The following MYO7B variants were observed in gnomAD, a reference collection of about 807,000 sequenced individuals.
MYO7B encodes the protein myosin VIIB, also known as unconventional myosin-VIIb.
Under a neutral mutation model 259.7 loss-of-function variants are expected in MYO7B, and 212 were observed. The ratio of observed to expected loss-of-function variants is 0.82; its 90% CI spans 0.73 to 0.91. The LOEUF (loss-of-function observed/expected upper bound fraction) is 0.91. Ranked by LOEUF, MYO7B falls within the 40% of genes least tolerant of loss-of-function variation. MYO7B has a pLI of 0.00. For synonymous variants in MYO7B, 1,197 were observed against 1,166.4 expected, an observed-to-expected ratio of 1.03 and a Z score of -0.54; for missense variants, 2,732 against 2,813.5, an observed-to-expected ratio of 0.97 and a Z score of 0.66.
At position 127,577,388 on chromosome 2, in the gene MYO7B, C is replaced by T. The variant is rs114984031; in HGVS notation, c.849+680C>T. Among the ~76,000 whole-genome samples the T allele has an allele frequency of 6.9e-3, 1,045 of 152,324 alleles. 19 individuals are homozygous for T. Among genetic ancestry groups the T allele is most frequent in the African/African-American group, 0.024 (1,004 of 41,578 alleles). On this transcript the variant is annotated intron_variant, in intron 8 of 47. Transcript: ENST00000409816. This position sits in a 1 kb window ranked among gnomAD's most constrained non-coding sequence, Gnocchi z 5.2. ...TCTACCCTGCAGCCAAAGCACTCTT[C>T]CTGTAGGAAGGTTTGCACTGTAGTG... is the stretch of plus-strand genomic sequence containing the variant.
intron 3 of MYO7B, 96 bp from the exon 4 acceptor site, chr2:127,565,137 G>T (rs1678275517): frequency 6.8e-7 from 1 of 1,474,814 alleles, no homozygotes; most frequent in Non-Finnish European, 9.2e-7. Flanking sequence ...GACCCGGAAG[G>T]TCACCTTGCT....
At position 127,637,429 on chromosome 2, in the gene MYO7B, G is replaced by C. The variant is rs372470426; in HGVS notation, c.*12G>C. 2.1e-5 allele frequency: 32 copies of C among 1,498,234 alleles called. No homozygotes were observed. Among genetic ancestry groups the C allele is most frequent in the African/African-American group, 7.0e-5 (5 of 71,436 alleles). The allele number at this position is 1,498,234 out of a possible 1,614,324, so 92.8% of individuals were successfully genotyped here. A position where few individuals can be genotyped will look rare whatever the true frequency, so the allele number is the denominator to read the frequency against. ...TGGCCAGCACCTAGCAGCGGATGCTGGCGTGTCTGCTCAGGCGCCCTTCCC... is the reference window on the plus strand; with the variant it reads ...TGGCCAGCACCTAGCAGCGGATGCTCGCGTGTCTGCTCAGGCGCCCTTCCC... On this transcript the variant is annotated 3_prime_UTR_variant, in exon 48 of 48. Transcript: ENST00000409816.
chr2:127,536,806 G>A (rs1281602220), intron 1 of MYO7B, among the ~76,000 whole-genome samples: 1 of 152,120 alleles, frequency 6.6e-6, no homozygotes, highest in Non-Finnish European at 1.5e-5. Context: ...TCATTGTTAG[G>A]AACCACTCAG....
chr2:127,571,398 C>T (rs1225159931), intron 6 of MYO7B, among the ~76,000 whole-genome samples: 6 of 91,956 alleles, frequency 6.5e-5, no homozygotes, highest in Non-Finnish European at 1.2e-4. Flanking sequence ...AATCTTTTGC[C>T]TATTCTTTAA....
At chr2:127,616,516 G>A (rs889418622) in intron 26 of MYO7B, among the ~76,000 whole-genome samples, 2 of 152,156 alleles carry the variant, frequency 1.3e-5, no homozygotes, top group Admixed American at 1.3e-4. Flanking sequence ...TTCACAATCC[G>A]AATCAACAAC....
chr2:127,565,824 T>G (rs939279201), intron 4 of MYO7B, among the ~76,000 whole-genome samples: 7 of 152,236 alleles, frequency 4.6e-5, no homozygotes, highest in Non-Finnish European at 8.8e-5. Flanking sequence ...CGTGCAAACC[T>G]GGCCTGGATG....
chr2:127,632,157 G>A, intron 38 of MYO7B, 89 bp from the exon 39 acceptor site: 1 of 1,450,234 alleles, frequency 6.9e-7, no homozygotes, highest in Non-Finnish European at 9.3e-7. Flanking sequence ...ACCCCAGGCA[G>A]CTCTCACATC....
In MYO7B at chr2:127,564,231, CCAGGCAAAGT is replaced by C; in HGVS notation, c.99_108del (p.Gly34TrpfsTer34). 1 of 1,580,370 alleles carries C rather than the reference CCAGGCAAAGT, an allele frequency of 6.3e-7. No individual in the cohort carries two copies. The highest frequency in any genetic ancestry group is 8.6e-7 in the Non-Finnish European group (1 of 1,163,420). On this transcript the variant is annotated frameshift_variant, in exon 3 of 48. Coordinates refer to ENST00000409816, the MANE Select transcript of MYO7B (RefSeq NM_001393586.1). LOFTEE classifies it high-confidence loss of function. Reference sequence around the variant, plus strand: ...CGGGGGCATCATCAAAGAGGCAAAGCCAGGCAAAGTCTTGGTTGAAGATGACGAGGGCAAG... The same window carrying C: ...CGGGGGCATCATCAAAGAGGCAAAGCCTTGGTTGAAGATGACGAGGGCAAG...
rs970829063 is a variant in MYO7B, at chr2:127,635,713, A to C, written c.5821-9A>C. The C allele has an allele frequency of 6.3e-7, 1 of 1,595,754 alleles. No homozygotes were observed. Among genetic ancestry groups the C allele is most frequent in the East Asian group, 2.3e-5 (1 of 43,744 alleles). On this transcript the variant is annotated splice_polypyrimidine_tract_variant and intron_variant, in intron 43 of 47. Coordinates refer to ENST00000409816, the MANE Select transcript of MYO7B (RefSeq NM_001393586.1). ...GAGACCCAGCATGCCCAGTGTGTCC[A>C]TCACCCAGGAGCTGCCCAAGTACCT...
In MYO7B at chr2:127,576,617, A is replaced by G. The variant is rs530163984; in HGVS notation, c.758A>G (p.His253Arg). The G allele has an allele frequency of 3.7e-6, 6 of 1,603,998 alleles. No individual in the cohort carries two copies. The highest frequency in any genetic ancestry group is 1.7e-5 in the Admixed American group (1 of 59,582). ...CAGGCTCCCGAGGAGCGGAACTACC[A>G]TATCTTCTACTGCATGCTCATGGGG... The part of the protein sequence containing the change: ...CRQAPEERNY[H>R]IFYCMLMGVS... The change falls in exon 8 of 48, where the codon CAT becomes CGT. Residue 253 changes from histidine (H) to arginine (R), a missense_variant. By Grantham distance (29) the His-to-Arg change is conservative. Around this residue, in one of 3 missense-constraint regions of MYO7B, gnomAD observed 1,906 missense variants for 2,026.4 expected, o/e 0.94. Transcript: ENST00000409816. The surrounding 1 kb of genome is among the most constrained non-coding windows in gnomAD (Gnocchi z 4.9).
chr2:127,561,662 T>C (rs1351071902), intron 2 of MYO7B, among the ~76,000 whole-genome samples: 1 of 152,184 alleles, frequency 6.6e-6, no homozygotes, highest in African/African-American at 2.4e-5. Flanking sequence ...AGCAGCCCTG[T>C]GAAGCGGGCC....
chr2:127,628,063 G>A lies in MYO7B; in HGVS notation c.4461-309G>A. 1 of 568,880 alleles carries A rather than the reference G, an allele frequency of 1.8e-6. No homozygotes were observed. The highest frequency in any genetic ancestry group is 4.2e-5 in the East Asian group (1 of 23,918). 35.2% of individuals were successfully genotyped at this position (568,880 alleles called of 1,614,324 possible). On this transcript the variant is annotated intron_variant, in intron 33 of 47. Coordinates refer to ENST00000409816, the MANE Select transcript of MYO7B (RefSeq NM_001393586.1). The surrounding 1 kb of genome is among the most constrained non-coding windows in gnomAD (Gnocchi z 4.8). ...TCAGAGTAAGCACATGGCAGAGCCG[G>A]CAGCTCATCTCAGCTCTGACCTTTG... is the stretch of plus-strand genomic sequence containing the variant.
intron 10 of MYO7B, 91 bp from the exon 11 acceptor site, chr2:127,581,800 C>G: frequency 1.3e-6 from 2 of 1,562,872 alleles, no homozygotes; most frequent in Non-Finnish European, 1.7e-6. Context: ...TGCTTGGTCA[C>G]GAGAGGGAAC....
rs1418884845 is a variant in MYO7B, at chr2:127,613,135, T to C, written c.3398+532T>C. Among the ~76,000 whole-genome samples, 1 of 152,220 alleles carries C rather than the reference T, an allele frequency of 6.6e-6. No individual in the cohort carries two copies. The highest frequency in any genetic ancestry group is 1.5e-5 in the Non-Finnish European group (1 of 68,028). On this transcript the variant is annotated intron_variant, in intron 26 of 47. Coordinates refer to ENST00000409816, the MANE Select transcript of MYO7B (RefSeq NM_001393586.1). The surrounding 1 kb of genome is among the most constrained non-coding windows in gnomAD (Gnocchi z 4.3). ...ATACTTTTAACAAAATTTGGGAAAC[T>C]GTTGGTCATTATTTCTTCACATATT...
chr2:127,634,530 C>G (rs1185898092), intron 41 of MYO7B, 66 bp from the exon 42 acceptor site: 2 of 1,404,484 alleles, frequency 1.4e-6, no homozygotes, highest in Non-Finnish European at 2.0e-6. Context: ...GACCAGAACC[C>G]AGCAGGTTCT....
chr2:127,553,212 T>A (rs1160633944), intron 1 of MYO7B, among the ~76,000 whole-genome samples: 1 of 152,252 alleles, frequency 6.6e-6, no homozygotes, highest in African/African-American at 2.4e-5. Context: ...ATATTTGTTC[T>A]TTTTGTTTAG....
intron 16 of MYO7B, 49 bp from the exon 17 acceptor site, chr2:127,592,745 G>T: frequency 6.3e-7 from 1 of 1,576,154 alleles, no homozygotes. Flanking sequence ...AAGGGGGGTG[G>T]CTGGAAAGTG....
chr2:127,632,894 C>T (rs1215372556), intron 39 of MYO7B, among the ~76,000 whole-genome samples: 1 of 152,192 alleles, frequency 6.6e-6, no homozygotes, highest in Non-Finnish European at 1.5e-5. Flanking sequence ...CAGCCGTGGT[C>T]ACAGAGAGAG....
Position 127,634,620 on chromosome 2 carries a change from T to G in MYO7B, c.5650T>G (p.Phe1884Val), listed in dbSNP as rs182354054. The G allele has an allele frequency of 9.3e-6, 15 of 1,612,504 alleles. No individual in the cohort carries two copies. Among genetic ancestry groups the G allele is most frequent in the Middle Eastern group, 1.7e-4 (1 of 6,060 alleles). ...DKVISQKEGD[F>V]FFDSLREVSD... ...GGTCATCAGCCAGAAGGAGGGAGACTTCTTCTTTGATTCCTTGAGGGAGGT... is the reference window on the plus strand; with the variant it reads ...GGTCATCAGCCAGAAGGAGGGAGACGTCTTCTTTGATTCCTTGAGGGAGGT... Residue 1884 changes from phenylalanine to valine, a missense_variant, in exon 42 of 48, where the codon TTC becomes GTC. By Grantham distance (50) the Phe-to-Val change is conservative. Coordinates refer to ENST00000409816, the MANE Select transcript of MYO7B (RefSeq NM_001393586.1).
Sources: gnomAD v4.1 joint callset for allele counts (sites outside exome capture counted in the v4.1 genomes callset) on GRCh38, gnomAD v4.1.1 for gene constraint, gnomAD v4.1.1 regional missense constraint, Gnocchi (gnomAD v3.1) non-coding constraint, MANE v1.5 for transcripts, NCBI Gene and HGNC (gene_info 2026-07-23, HGNC 2026-07-21) for gene names.